SLC2A9: variants seen among roughly 807,000 people sequenced by gnomAD.
SLC2A9 encodes solute carrier family 2, facilitated glucose transporter member 9.
A neutral mutation model predicts 50.6 loss-of-function variants in SLC2A9; 39 were observed. The ratio of observed to expected loss-of-function variants is 0.77; its 90% CI spans 0.60 to 1.01. The LOEUF (loss-of-function observed/expected upper bound fraction) is 1.01, where lower values mean the gene tolerates loss of function less well. Ranked by LOEUF, SLC2A9 falls within the 50% of genes least tolerant of loss-of-function variation. SLC2A9 has a pLI of 0.00. For synonymous variants in SLC2A9, 324 were observed against 276.9 expected, an observed-to-expected ratio of 1.17 and a Z score of -1.69; for missense variants, 686 against 677.6, an observed-to-expected ratio of 1.01 and a Z score of -0.14.
intron 2 of SLC2A9, among the ~76,000 whole-genome samples, chr4:10,017,441 T>C (rs1762806978): frequency 6.6e-6 from 1 of 152,248 alleles, no homozygotes; most frequent in South Asian, 2.1e-4. Flanking sequence ...CAAAGATCAC[T>C]GACTGTTGGC....
At chr4:10,024,448 C>A (rs1356996079), upstream of SLC2A9, among the ~76,000 whole-genome samples, 1 of 152,176 alleles carries the variant, frequency 6.6e-6, no homozygotes, top group Non-Finnish European at 1.5e-5. Context: ...AATGAGGACA[C>A]AGACACACAC....
At chr4:9,991,775 C>T (rs1757755385) in intron 3 of SLC2A9, among the ~76,000 whole-genome samples, 1 of 152,184 alleles carries the variant, frequency 6.6e-6, no homozygotes, top group Non-Finnish European at 1.5e-5. Flanking sequence ...AGAAAGCAGC[C>T]ATCTGCAAGC....
intron 8 of SLC2A9, among the ~76,000 whole-genome samples, chr4:9,895,468 C>G (rs1738364282): frequency 6.6e-6 from 1 of 152,208 alleles, no homozygotes; most frequent in Non-Finnish European, 1.5e-5. Context: ...GACATTAACT[C>G]AGACGAACAG....
chr4:9,926,920 A>G (rs1745001708), intron 6 of SLC2A9, among the ~76,000 whole-genome samples: 1 of 152,106 alleles, frequency 6.6e-6, no homozygotes, highest in Non-Finnish European at 1.5e-5. Context: ...GGGAGCACCA[A>G]GGACTGCTGG....
downstream of SLC2A9, among the ~76,000 whole-genome samples, chr4:9,777,187 C>T (rs1341288513): frequency 1.3e-5 from 2 of 152,086 alleles, no homozygotes; most frequent in East Asian, 3.9e-4. Flanking sequence ...CTGTTTCTGT[C>T]CCCGGGCCCT....
In SLC2A9 at chr4:9,882,260, C is replaced by T. The variant is rs1030093976; in HGVS notation, c.1291+5307G>A. The stretch of plus-strand genomic sequence containing the variant: ...AAAGCAGGAGCCCCCTCCCCTTATC[C>T]TCAATTCTCTGTGTAGGCCATTTCT... On this transcript the variant is annotated intron_variant, in intron 10 of 11. Transcript: ENST00000264784. Among the ~76,000 whole-genome samples, 3 of 152,230 alleles carry T rather than the reference C, an allele frequency of 2.0e-5. No individual in the cohort carries two copies. In the East Asian group the frequency reaches 5.8e-4, roughly 29 times the overall value.
intron 8 of SLC2A9, among the ~76,000 whole-genome samples, chr4:9,900,875 A>G (rs560089706): frequency 6.6e-6 from 1 of 152,284 alleles, no homozygotes; most frequent in South Asian, 2.1e-4. Flanking sequence ...TGAGAACAGC[A>G]TGAGGGTAAC....
chr4:9,850,124 G>T (rs754107751), intron 10 of SLC2A9, among the ~76,000 whole-genome samples: 3 of 152,072 alleles, frequency 2.0e-5, no homozygotes, highest in Non-Finnish European at 2.9e-5. Context: ...CCTGCACGGG[G>T]CTGCTGAGCA....
intron 5 of SLC2A9, among the ~76,000 whole-genome samples, chr4:9,961,492 G>T (rs1752261037): frequency 6.6e-6 from 1 of 152,190 alleles, no homozygotes; most frequent in South Asian, 2.1e-4. Context: ...GGGAGAACTG[G>T]TTAGCCATAG....
At chr4:9,869,211 G>A (rs143661944) in intron 10 of SLC2A9, among the ~76,000 whole-genome samples, 6 of 152,200 alleles carry the variant, frequency 3.9e-5, no homozygotes, top group South Asian at 2.1e-4. Flanking sequence ...TGGATGGAAC[G>A]GGGGAGTGGT....
intron 10 of SLC2A9, among the ~76,000 whole-genome samples, chr4:9,850,591 C>A (rs1258105585): frequency 6.6e-6 from 1 of 152,140 alleles, no homozygotes; most frequent in Non-Finnish European, 1.5e-5. Context: ...TCTTTGCCAG[C>A]AGACCATGTC....
intron 7 of SLC2A9, among the ~76,000 whole-genome samples, chr4:9,916,978 C>T (rs1392548891): frequency 6.6e-6 from 1 of 152,116 alleles, no homozygotes; most frequent in Non-Finnish European, 1.5e-5. Context: ...GGATGGAGAC[C>T]CACTAATAGC....
At chr4:9,776,701 C>T (rs561565988), downstream of SLC2A9, among the ~76,000 whole-genome samples, 7 of 152,236 alleles carry the variant, frequency 4.6e-5, no homozygotes, top group South Asian at 2.1e-4. Context: ...TCCACCATAG[C>T]GTTCTGGTGT....
At chr4:9,998,397 T>C (rs777439246) in intron 2 of SLC2A9, among the ~76,000 whole-genome samples, 1 of 152,156 alleles carries the variant, frequency 6.6e-6, no homozygotes, top group Non-Finnish European at 1.5e-5. Flanking sequence ...ATGGGAATGA[T>C]GACATTGACC....
At chr4:9,819,527 T>C (rs1724111418) in intron 3 of SLC2A9, among the ~76,000 whole-genome samples, 1 of 152,230 alleles carries the variant, frequency 6.6e-6, no homozygotes, top group Non-Finnish European at 1.5e-5. Context: ...CATTGTTGAG[T>C]TTTGAATGCT....
chr4:9,899,104 A>C (rs1056802824), intron 8 of SLC2A9, among the ~76,000 whole-genome samples: 2 of 152,214 alleles, frequency 1.3e-5, no homozygotes, highest in Non-Finnish European at 2.9e-5. Context: ...AGACTCTTTC[A>C]GAGAGAAATG....
intron 3 of SLC2A9, among the ~76,000 whole-genome samples, chr4:9,818,784 G>C (rs1011580517): frequency 1.3e-5 from 2 of 152,174 alleles, no homozygotes. Context: ...TCCAGGGATG[G>C]TCTAGCCCTT....
chr4:9,950,745 T>TCATACGTCAA lies in SLC2A9; in HGVS notation c.682-8701_682-8700insTTGACGTATG, dbSNP rs1750075563. ...TGTCTCTACTAAAAATACAAAAAAT[T>TCATACGTCAA]AGCCGGGCGTGGTAGCGGGCGCCTG... On this transcript the variant is annotated intron_variant, in intron 5 of 11. Transcript: ENST00000264784. Among the ~76,000 whole-genome samples, 3 of 93,618 alleles carry TCATACGTCAA rather than the reference T, an allele frequency of 3.2e-5. 1 individual carries two copies. Among genetic ancestry groups the TCATACGTCAA allele is most frequent in the African/African-American group, 1.3e-4 (2 of 15,134 alleles). 61.4% of individuals were successfully genotyped at this position (93,618 alleles called of 152,430 possible). A position where few individuals can be genotyped will look rare whatever the true frequency, so the allele number is the denominator to read the frequency against.
In SLC2A9 at chr4:10,018,998, A is replaced by C; in HGVS notation, c.226T>G (p.Ser76Ala). 6.5e-7 allele frequency: 1 copy of C among 1,550,294 alleles called. No individual in the cohort carries two copies. Among genetic ancestry groups the C allele is most frequent in the Non-Finnish European group, 8.7e-7 (1 of 1,146,920 alleles). The change falls in exon 2 of 12, where the codon TCG (serine) becomes GCG (alanine). Residue 76 changes from serine (S) to alanine (A), a missense_variant. Coordinates refer to ENST00000264784, the MANE Select transcript of SLC2A9 (RefSeq NM_020041.3). Reference protein sequence around the residue: ...GSSFLYGYNLSVVNAPTPYIK... With the variant: ...GSSFLYGYNLAVVNAPTPYIK... ...ACCGGGGTGGGGGCATTCACCACCG[A>C]CAGGTTGTAGCCGTAGAGGAAGGAG...
Sources: gnomAD v4.1 joint callset for allele counts (sites outside exome capture counted in the v4.1 genomes callset) on GRCh38, gnomAD v4.1.1 for gene constraint, MANE v1.5 for transcripts, NCBI Gene and HGNC (gene_info 2026-07-23, HGNC 2026-07-21) for gene names.